TTC4: variants seen among roughly 807,000 people sequenced by gnomAD.
TTC4 encodes the protein tetratricopeptide repeat domain 4, also known as hsp70/Hsp90 co-chaperone CNS1 homolog.
TTC4 carries 36 observed loss-of-function variants against 51.9 expected under a neutral mutation model. The ratio of observed to expected loss-of-function variants is 0.69; its 90% CI spans 0.53 to 0.92. TTC4 has a LOEUF of 0.92. Ranked by LOEUF, TTC4 falls within the 40% of genes least tolerant of loss-of-function variation. The pLI is 0.00. For synonymous variants in TTC4, 144 were observed against 164.2 expected (o/e 0.88, Z 0.94); for missense variants, 399 against 454.6 (o/e 0.88, Z 1.11).
At chr1:54,728,507 T>C in intron 6 of TTC4, 75 bp downstream of exon 6, 1 of 1,385,034 alleles carries the variant, frequency 7.2e-7, no homozygotes, top group Non-Finnish European at 1.0e-6. Context: ...GGAACCTTTC[T>C]TGGGATGCTT....
chr1:54,727,448 C>T (rs552089114), intron 5 of TTC4, among the ~76,000 whole-genome samples: 12 of 152,108 alleles, frequency 7.9e-5, no homozygotes, highest in Admixed American at 5.2e-4. Context: ...GGATATGACA[C>T]AAAGCACAAG....
At chr1:54,737,201 T>C (rs3737827) in intron 8 of TTC4, 19,423 of 172,896 alleles carry the variant, frequency 0.11, 1,872 homozygotes, top group African/African-American at 0.26. Flanking sequence ...TCTCTCCTTC[T>C]TCAGGCTCTT....
At chr1:54,723,350 C>G (rs756330555) in intron 5 of TTC4, among the ~76,000 whole-genome samples, 1 of 152,198 alleles carries the variant, frequency 6.6e-6, no homozygotes, top group Non-Finnish European at 1.5e-5. Context: ...GGAGACACGT[C>G]TTGTCCAGGG....
At chr1:54,733,427 A>AAT (rs1019903992) in intron 7 of TTC4, among the ~76,000 whole-genome samples, 4 of 144,306 alleles carry the variant, frequency 2.8e-5, no homozygotes, top group Non-Finnish European at 4.5e-5. Flanking sequence ...TCAAAAAAAA[A>AAT]AAATAAAATA....
chr1:54,719,352 A>G (rs57803627), intron 3 of TTC4, among the ~76,000 whole-genome samples: 5,024 of 150,414 alleles, frequency 0.033, 154 homozygotes, highest in East Asian at 0.13. Flanking sequence ...CTTTCCCTCT[A>G]CTGGTTTAGA....
In TTC4 at chr1:54,741,900, G is replaced by C; in HGVS notation, c.*387G>C. On this transcript the variant is annotated 3_prime_UTR_variant, in exon 10 of 10. Coordinates refer to ENST00000371281, the MANE Select transcript of TTC4 (RefSeq NM_004623.5). ...CCTTAGAGAAGCTACCCCTCAAACT[G>C]CACATCTACACACAAACAAACAATG... The C allele has an allele frequency of 5.2e-6, 1 of 192,410 alleles. No individual in the cohort carries two copies. The highest frequency in any genetic ancestry group is 1.3e-4 in the South Asian group (1 of 7,978). 11.9% of individuals were successfully genotyped at this position (192,410 alleles called of 1,614,324 possible). A position where few individuals can be genotyped will look rare whatever the true frequency, so the allele number is the denominator to read the frequency against.
intron 6 of TTC4, 145 bp from the exon 7 acceptor site, chr1:54,731,341 A>G: frequency 1.4e-6 from 1 of 708,548 alleles, no homozygotes; most frequent in Non-Finnish European, 2.2e-6. Flanking sequence ...ATATAGTGAA[A>G]CTCCGTCTCT....
intron 7 of TTC4, 66 bp downstream of exon 7, chr1:54,731,766 G>C: frequency 6.7e-7 from 1 of 1,502,616 alleles, no homozygotes; most frequent in Non-Finnish European, 9.1e-7. Flanking sequence ...TGGCAGGAGG[G>C]ACGAGTGGAT....
At chr1:54,727,296 T>C (rs1645811842) in intron 5 of TTC4, among the ~76,000 whole-genome samples, 1 of 152,164 alleles carries the variant, frequency 6.6e-6, no homozygotes. Context: ...GACAACTGGA[T>C]ATTCACATGT....
intron 2 of TTC4, among the ~76,000 whole-genome samples, chr1:54,717,169 C>T (rs1645686355): frequency 6.6e-6 from 1 of 152,130 alleles, no homozygotes; most frequent in East Asian, 1.9e-4. Context: ...TATAATCAAT[C>T]CCCCTGCCCC....
chr1:54,741,459 C>A lies in TTC4; in HGVS notation c.1110C>A (p.Ser370=). The change falls in exon 10 of 10, where the codon TCC becomes TCA. Residue 370 remains serine (S), a synonymous_variant. Transcript: ENST00000371281. ...CAGCATTTTTGGTCTGTGTAGGATC[C>A]TCTCCTTTTTGCAAGAATTTTCTCC... ...LTPAFLVCVG[S]SPFCKNFLRG... 1 of 1,614,124 alleles carries A rather than the reference C, an allele frequency of 6.2e-7. No homozygotes were observed. Among genetic ancestry groups the A allele is most frequent in the Non-Finnish European group, 8.5e-7 (1 of 1,180,030 alleles).
chr1:54,741,880 G>T lies in TTC4; in HGVS notation c.*367G>T. ...AACTTTTGTGGAGTTTGACACCTTA[G>T]AGAAGCTACCCCTCAAACTGCACAT... On this transcript the variant is annotated 3_prime_UTR_variant, in exon 10 of 10. Transcript: ENST00000371281. 2.2e-5 allele frequency: 5 copies of T among 227,864 alleles called. No individual in the cohort carries two copies. In the South Asian group the frequency reaches 2.7e-4, roughly 12 times the overall value. The allele number at this position is 227,864 out of a possible 1,614,324, so 14.1% of individuals were successfully genotyped here.
At chr1:54,719,959 T>C (rs11206419) in intron 3 of TTC4, among the ~76,000 whole-genome samples, 13,724 of 151,196 alleles carry the variant, frequency 0.091, 878 homozygotes, top group South Asian at 0.19. Flanking sequence ...GTGTACTAGC[T>C]GTGATCATAG....
intron 9 of TTC4, 143 bp downstream of exon 9, chr1:54,737,807 C>A: frequency 2.5e-6 from 2 of 804,980 alleles, no homozygotes; most frequent in Admixed American, 2.7e-5. Context: ...TTCCACGTGG[C>A]TGGGGATGCC....
chr1:54,724,114 G>T (rs995149976), intron 5 of TTC4, among the ~76,000 whole-genome samples: 3 of 152,220 alleles, frequency 2.0e-5, no homozygotes, highest in East Asian at 1.9e-4. Flanking sequence ...ATTACTTGCT[G>T]AATAGCTGAA....
chr1:54,736,175 G>GGAGAGAGAGAGA lies in TTC4; in HGVS notation c.979-1370_979-1359dup, dbSNP rs11292044. ...GGAGAAAGAGAGAGAAAGAAAGAAA[G>GGAGAGAGAGAGA]GAGAGAGAGAGAGAGAGAGAGAGAG... is the stretch of plus-strand genomic sequence containing the variant. On this transcript the variant is annotated intron_variant, in intron 8 of 9. Transcript: ENST00000371281. Among the ~76,000 whole-genome samples, 254 of 100,708 alleles carry GGAGAGAGAGAGA rather than the reference G, an allele frequency of 2.5e-3. 3 individuals are homozygous for GGAGAGAGAGAGA. The highest frequency in any genetic ancestry group is 5.0e-3 in the Middle Eastern group (1 of 200). 66.1% of individuals were successfully genotyped at this position (100,708 alleles called of 152,430 possible). A position where few individuals can be genotyped will look rare whatever the true frequency, so the allele number is the denominator to read the frequency against.
chr1:54,730,027 G>T (rs11800874), intron 6 of TTC4, among the ~76,000 whole-genome samples: 18,025 of 152,006 alleles, frequency 0.12, 1,762 homozygotes, highest in African/African-American at 0.26. Flanking sequence ...AACCGGGGTA[G>T]GTTTTTTGTT....
rs751097530 is a variant in TTC4 at position 54,731,636 on chromosome 1, G to A, written c.832G>A (p.Val278Met). ...TGGCCAGGGCAGGCTGAGCTGGCCT[G>A]TGCTCTTTCTGTACCCAGAGTATGC... ...LDGQGRLSWP[V>M]LFLYPEYAQS... Residue 278 changes from valine to methionine, a missense_variant, in exon 7 of 10, where the codon GTG becomes ATG. Val to Met is a conservative substitution (Grantham distance 21). Transcript: ENST00000371281. The A allele has an allele frequency of 8.7e-6, 14 of 1,614,124 alleles. No homozygotes were observed. The highest frequency in any genetic ancestry group is 8.5e-7 in the Non-Finnish European group (1 of 1,180,018).
At position 54,722,782 on chromosome 1, in the gene TTC4, A is replaced by G; in HGVS notation, c.577A>G (p.Lys193Glu). ...KEKKLLEMRA[K>E]ADKLKRIEQR... ...GAAGAAGCTTCTGGAAATGAGGGCTAAAGCAGACAAGCTGAAGGTTGGTGA... is the reference window on the plus strand; with the variant it reads ...GAAGAAGCTTCTGGAAATGAGGGCTGAAGCAGACAAGCTGAAGGTTGGTGA... Residue 193 changes from lysine (K) to glutamate (E), a missense_variant, in exon 5 of 10, where the codon AAA becomes GAA. Physicochemically the swap from Lys to Glu is moderately conservative, Grantham distance 56 (BLOSUM62 1). This residue lies in a region of TTC4 where 316 missense variants were observed against 349.6 expected (regional missense o/e 0.90). Transcript: ENST00000371281. The G allele has an allele frequency of 6.2e-7, 1 of 1,613,968 alleles. No individual in the cohort carries two copies. Among genetic ancestry groups the G allele is most frequent in the Non-Finnish European group, 8.5e-7 (1 of 1,179,896 alleles).
Sources: gnomAD v4.1 joint callset for allele counts (sites outside exome capture counted in the v4.1 genomes callset) on GRCh38, gnomAD v4.1.1 for gene constraint, gnomAD v4.1.1 regional missense constraint, MANE v1.5 for transcripts, NCBI Gene and HGNC (gene_info 2026-07-23, HGNC 2026-07-21) for gene names.